The following CDKL5 variants were observed in gnomAD, a reference collection of about 807,000 sequenced individuals.
The protein encoded by CDKL5 is cyclin dependent kinase like 5.
Under a neutral mutation model 61.7 loss-of-function variants are expected in CDKL5, and 8 were observed. That is an observed-to-expected ratio of 0.13 (90% CI 0.08 to 0.23). The LOEUF (loss-of-function observed/expected upper bound fraction) is 0.23, where lower values mean the gene tolerates loss of function less well. Among genes scored for constraint, CDKL5 ranks in the 10% least tolerant of loss-of-function variants. The pLI is 1.00. For synonymous variants in CDKL5, 275 were observed against 272.3 expected, an observed-to-expected ratio of 1.01 and a Z score of -0.10; for missense variants, 440 against 734.5, an observed-to-expected ratio of 0.60 and a Z score of 4.63.
At chrX:18,641,390 G>A (rs1467666994), downstream of CDKL5, 1 of 113,990 alleles carries the variant, frequency 8.8e-6, no homozygotes, top group East Asian at 2.8e-4. Context: ...AGAACTGTGA[G>A]CAGAGGAAAC....
chrX:18,646,951 C>G (rs1211841675), intron 20 of CDKL5, among the ~76,000 whole-genome samples: 2 of 111,048 alleles, frequency 1.8e-5, no homozygotes, highest in East Asian at 5.6e-4. Flanking sequence ...GGGTCTCACT[C>G]TGTCGCCCAG....
chrX:18,482,677 GTT>G (rs751218896), intron 1 of CDKL5, among the ~76,000 whole-genome samples: 1 of 89,145 alleles, frequency 1.1e-5, no homozygotes. Context: ...GTCAGTTCTT[GTT>G]TTTTTTTTTT....
At chrX:18,526,943 C>T (rs1923465814) in intron 3 of CDKL5, among the ~76,000 whole-genome samples, 1 of 110,789 alleles carries the variant, frequency 9.0e-6, no homozygotes, top group African/African-American at 3.3e-5. Context: ...GCCACCATGC[C>T]TGGCTAATTT....
intron 1 of CDKL5, among the ~76,000 whole-genome samples, chrX:18,429,986 T>A (rs1009921024): frequency 1.8e-5 from 2 of 111,782 alleles, no homozygotes; most frequent in African/African-American, 6.5e-5. Context: ...TCGGGTGTAC[T>A]GAAGGTATAT....
At chrX:18,455,155 A>G (rs1242829717) in intron 1 of CDKL5, among the ~76,000 whole-genome samples, 8 of 111,505 alleles carry the variant, frequency 7.2e-5, no homozygotes, top group Admixed American at 2.9e-4. Context: ...GTAGAGCAAT[A>G]ATTTAGATAA....
intron 3 of CDKL5, among the ~76,000 whole-genome samples, chrX:18,560,253 T>G (rs1321543348): frequency 9.0e-6 from 1 of 111,389 alleles, no homozygotes; most frequent in Non-Finnish European, 1.9e-5. Flanking sequence ...CCACCAACAG[T>G]GTAAAAGTGT....
At position 18,625,138 on chromosome X, in the gene CDKL5, C is replaced by G. The variant is rs1302133071; in HGVS notation, c.2387C>G (p.Ser796Cys). 11 of 1,205,177 alleles carry G rather than the reference C, an allele frequency of 9.1e-6. No individual in the cohort carries two copies. Among genetic ancestry groups the G allele is most frequent in the Non-Finnish European group, 1.2e-5 (11 of 892,882 alleles). The change falls in exon 17 of 18, where the codon TCC becomes TGC. Residue 796 changes from serine to cysteine, a missense_variant. By Grantham distance (112) the Ser-to-Cys change is moderately radical (BLOSUM62 -1). Coordinates refer to ENST00000623535, the MANE Select transcript of CDKL5 (RefSeq NM_001323289.2). ...CATATTTTGCTCTAGGTACCCAATTCCGACAGCCCTGATCTTCTGACGTTG... is the reference window on the plus strand; with the variant it reads ...CATATTTTGCTCTAGGTACCCAATTGCGACAGCCCTGATCTTCTGACGTTG... Reference protein sequence around the residue: ...KKKKSQTVPNSDSPDLLTLQK... With the variant: ...KKKKSQTVPNCDSPDLLTLQK...
chrX:18,642,108 G>A (rs141077105), downstream of CDKL5: 32 of 1,209,722 alleles, frequency 2.6e-5, 1 homozygote, highest in South Asian at 1.8e-4. Context: ...ATGGGGGGCC[G>A]CAGCAGGTTC....
intron 5 of CDKL5, among the ~76,000 whole-genome samples, chrX:18,576,042 A>T (rs963733218): frequency 8.9e-6 from 1 of 112,467 alleles, no homozygotes; most frequent in Admixed American, 9.4e-5. Context: ...CTTAGCTTGT[A>T]TTAAAAAATG....
At chrX:18,474,712 G>A (rs1477022173) in intron 1 of CDKL5, among the ~76,000 whole-genome samples, 1 of 111,695 alleles carries the variant, frequency 9.0e-6, no homozygotes, top group Non-Finnish European at 1.9e-5. Flanking sequence ...TGGAATCCCC[G>A]TTCCTAGGGA....
Position 18,603,991 on chromosome X carries a change from C to G in CDKL5, c.1067C>G (p.Ala356Gly). Residue 356 changes from alanine to glycine, a missense_variant, in exon 12 of 18, where the codon GCT becomes GGT. By Grantham distance (60) the Ala-to-Gly change is moderately conservative (BLOSUM62 0). Around this residue, in one of 2 missense-constraint regions of CDKL5, gnomAD observed 363 missense variants for 516.3 expected, o/e 0.70. Transcript: ENST00000623535. Reference protein sequence around the residue: ...IQNLSVGLPRADEGLPANESF... With the variant: ...IQNLSVGLPRGDEGLPANESF... ...AACCTGAGTGTAGGCCTGCCCCGGG[C>G]TGACGAAGGTCTCCCTGCCAATGAA... 1 of 1,210,921 alleles carries G rather than the reference C, an allele frequency of 8.3e-7. No homozygotes were observed. Among genetic ancestry groups the G allele is most frequent in the South Asian group, 1.8e-5 (1 of 56,918 alleles).
chrX:18,450,736 G>A (rs1456573862), intron 1 of CDKL5, among the ~76,000 whole-genome samples: 2 of 110,652 alleles, frequency 1.8e-5, no homozygotes, highest in African/African-American at 6.6e-5. Context: ...CACCACGCCC[G>A]GTGTTTTCTT....
intron 1 of CDKL5, among the ~76,000 whole-genome samples, chrX:18,488,062 A>T (rs1298445410): frequency 1.8e-5 from 2 of 112,044 alleles, no homozygotes; most frequent in Non-Finnish European, 3.8e-5. Flanking sequence ...TAATTCTATT[A>T]TGGAACAGTA....
At chrX:18,531,994 C>T (rs924210061) in intron 3 of CDKL5, among the ~76,000 whole-genome samples, 4 of 111,864 alleles carry the variant, frequency 3.6e-5, no homozygotes, top group African/African-American at 1.3e-4. Context: ...GCGTGAGCCA[C>T]CGCGCCCGGC....
At chrX:18,560,172 G>T (rs2147129304) in intron 3 of CDKL5, among the ~76,000 whole-genome samples, 1 of 111,261 alleles carries the variant, frequency 9.0e-6, no homozygotes, top group Non-Finnish European at 1.9e-5. Flanking sequence ...TGGGTCAAAT[G>T]GTATTTCTAG....
intron 2 of CDKL5, among the ~76,000 whole-genome samples, chrX:18,507,415 C>T (rs1922618675): frequency 9.2e-6 from 1 of 108,510 alleles, no homozygotes; most frequent in Non-Finnish European, 1.9e-5. Context: ...TTAAAAAGAG[C>T]CCCAGTGTTA....
At chrX:18,595,822 C>CT (rs2040853637) in intron 10 of CDKL5, among the ~76,000 whole-genome samples, 1 of 111,674 alleles carries the variant, frequency 9.0e-6, no homozygotes, top group Admixed American at 9.5e-5. Flanking sequence ...ATCAGTGAAT[C>CT]TAATTTTTCT....
At chrX:18,504,803 C>T (rs764346146) in intron 1 of CDKL5, among the ~76,000 whole-genome samples, 4 of 109,639 alleles carry the variant, frequency 3.6e-5, no homozygotes, top group East Asian at 2.9e-4. Flanking sequence ...CATGGTGGCG[C>T]GTGCCTGTAG....
At chrX:18,571,123 T>G (rs896533841) in intron 4 of CDKL5, among the ~76,000 whole-genome samples, 1 of 111,567 alleles carries the variant, frequency 9.0e-6, no homozygotes, top group Admixed American at 9.5e-5. Flanking sequence ...ATACAGATGA[T>G]GGACCTCAGG....
Sources: gnomAD v4.1 joint callset for allele counts (sites outside exome capture counted in the v4.1 genomes callset) on GRCh38, gnomAD v4.1.1 for gene constraint, gnomAD v4.1.1 regional missense constraint, MANE v1.5 for transcripts, NCBI Gene and HGNC (gene_info 2026-07-23, HGNC 2026-07-21) for gene names.